The following RARA variants were observed in gnomAD, a reference collection of about 807,000 sequenced individuals.
RARA encodes retinoic acid receptor alpha.
RARA carries 5 observed loss-of-function variants against 42.8 expected under a neutral mutation model. The ratio of observed to expected loss-of-function variants is 0.12; its 90% CI spans 0.06 to 0.25. The LOEUF (loss-of-function observed/expected upper bound fraction) is 0.25, where lower values mean the gene tolerates loss of function less well. Ranked by LOEUF, RARA falls within the 10% of genes least tolerant of loss-of-function variation. The pLI, the probability that RARA is intolerant of heterozygous loss-of-function variation, is 1.00. For synonymous variants in RARA, 256 were observed against 259.5 expected (o/e 0.99, Z 0.13); for missense variants, 402 against 628.7 (o/e 0.64, Z 3.86).
chr17:40,349,396 G>A (rs1054006290), intron 3 of RARA: 2 of 203,360 alleles, frequency 9.8e-6, no homozygotes, highest in South Asian at 8.8e-5. Context: ...TGGCCTCTTC[G>A]GGCTTGTCTT....
At chr17:40,319,533 C>T (rs1195606135) in intron 1 of RARA, among the ~76,000 whole-genome samples, 1 of 151,168 alleles carries the variant, frequency 6.6e-6, no homozygotes, top group East Asian at 1.9e-4. Context: ...CCCGACCCCC[C>T]CACCCCCTGC....
intron 2 of RARA, among the ~76,000 whole-genome samples, chr17:40,337,371 T>C (rs1174004444): frequency 6.6e-6 from 1 of 151,446 alleles, no homozygotes. Context: ...CGGTAGGGGG[T>C]GTAGGGAAGG....
chr17:40,327,446 C>T (rs1296083042), intron 1 of RARA, among the ~76,000 whole-genome samples: 1 of 152,222 alleles, frequency 6.6e-6, no homozygotes, highest in African/African-American at 2.4e-5. Flanking sequence ...GCTGGGCCCA[C>T]AGGGAGGACC....
At chr17:40,317,594 G>T (rs1421922663) in intron 1 of RARA, among the ~76,000 whole-genome samples, 1 of 152,116 alleles carries the variant, frequency 6.6e-6, no homozygotes, top group African/African-American at 2.4e-5. Context: ...ACTTTAAGGG[G>T]GCTGGGAGGG....
intron 2 of RARA, among the ~76,000 whole-genome samples, chr17:40,331,647 C>T (rs918731625): frequency 6.6e-6 from 1 of 152,156 alleles, no homozygotes; most frequent in African/African-American, 2.4e-5. Flanking sequence ...TTCTGGCCTG[C>T]AGTGGCCCTC....
At position 40,351,842 on chromosome 17, in the gene RARA, C is replaced by A; in HGVS notation, c.470-68C>A. ...TCCTCAGCAGCTGGCAGCTCTCTGT[C>A]AGGCTGGGGGTGGACGAGGCCCTGA... On this transcript the variant is annotated intron_variant, in intron 4 of 8. Coordinates refer to ENST00000254066, the MANE Select transcript of RARA (RefSeq NM_000964.4). The surrounding 1 kb of genome is among the most constrained non-coding windows in gnomAD (Gnocchi z 4.1). The A allele has an allele frequency of 6.4e-7, 1 of 1,558,774 alleles. No homozygotes were observed. The highest frequency in any genetic ancestry group is 1.2e-5 in the South Asian group (1 of 83,092).
intron 2 of RARA, among the ~76,000 whole-genome samples, chr17:40,346,385 C>A (rs2034266031): frequency 6.6e-6 from 1 of 152,028 alleles, no homozygotes; most frequent in Non-Finnish European, 1.5e-5. Flanking sequence ...AGAGGCGGGG[C>A]CCAGGGCAAA....
intron 2 of RARA, chr17:40,341,665 G>T: frequency 3.0e-6 from 4 of 1,344,204 alleles, no homozygotes; most frequent in Admixed American, 4.1e-5. Flanking sequence ...TTCAGCGAGA[G>T]TTCAGCCGCA....
chr17:40,355,539 T>C lies in RARA; in HGVS notation c.1171+118T>C, dbSNP rs1044580571. ...AATACGACACCTGTCCCCATCTGTG[T>C]CTAGGCTGAGGTCCCCTAGTGACTC... On this transcript the variant is annotated intron_variant, in intron 8 of 8. Transcript: ENST00000254066. This position sits in a 1 kb window ranked among gnomAD's most constrained non-coding sequence, Gnocchi z 4.1. 27 of 1,373,004 alleles carry C rather than the reference T, an allele frequency of 2.0e-5. No individual in the cohort carries two copies. In the Admixed American group the frequency reaches 3.8e-4, roughly 19 times the overall value. 85.1% of individuals were successfully genotyped at this position (1,373,004 alleles called of 1,614,324 possible).
chr17:40,323,515 GC>G (rs962501145), intron 1 of RARA, among the ~76,000 whole-genome samples: 1 of 151,726 alleles, frequency 6.6e-6, no homozygotes, highest in African/African-American at 2.4e-5. Flanking sequence ...GGAGGTGGGG[GC>G]TCTGCAGACT....
Position 40,355,871 on chromosome 17 carries a change from C to A in RARA, c.1172-138C>A. On this transcript the variant is annotated intron_variant, in intron 8 of 8. Transcript: ENST00000254066. The surrounding 1 kb of genome is among the most constrained non-coding windows in gnomAD (Gnocchi z 4.1). ...GGACCTGGGGGCTTAAGAGAGCTGG[C>A]TCGTGTCAAAGAACTGAATCCCAAG... is the stretch of plus-strand genomic sequence containing the variant. 1 of 828,456 alleles carries A rather than the reference C, an allele frequency of 1.2e-6. No individual in the cohort carries two copies. The highest frequency in any genetic ancestry group is 1.9e-6 in the Non-Finnish European group (1 of 533,430). 51.3% of individuals were successfully genotyped at this position (828,456 alleles called of 1,614,324 possible).
chr17:40,351,098 C>G lies in RARA; in HGVS notation c.470-812C>G, dbSNP rs565863412. Among the ~76,000 whole-genome samples, 1 of 152,204 alleles carries G rather than the reference C, an allele frequency of 6.6e-6. No individual in the cohort carries two copies. The highest frequency in any genetic ancestry group is 2.1e-4 in the South Asian group (1 of 4,814). On this transcript the variant is annotated intron_variant, in intron 4 of 8. Transcript: ENST00000254066. The surrounding 1 kb of genome is among the most constrained non-coding windows in gnomAD (Gnocchi z 4.1). Reference sequence around the variant, plus strand: ...AATGATAAACGTCTTGTCACAGCTGCAATTTTCTCTTCCCAAATTATCCCC... The same window carrying G: ...AATGATAAACGTCTTGTCACAGCTGGAATTTTCTCTTCCCAAATTATCCCC...
rs906059150 is a variant in RARA at position 40,320,843 on chromosome 17, G to A, written c.-362-10014G>A. 2.6e-5 allele frequency among the ~76,000 whole-genome samples: 4 copies of A among 152,174 alleles called. No homozygotes were observed. Among genetic ancestry groups the A allele is most frequent in the African/African-American group, 7.2e-5 (3 of 41,430 alleles). ...AATCCTGTCCCTGCGACAAATAAGC[G>A]GGGTAATCTCCGCTTGCTCAGTACC... On this transcript the variant is annotated intron_variant, in intron 1 of 8. Coordinates refer to ENST00000254066, the MANE Select transcript of RARA (RefSeq NM_000964.4). The surrounding 1 kb of genome is among the most constrained non-coding windows in gnomAD (Gnocchi z 4.1).
chr17:40,331,538 A>G, intron 2 of RARA, 142 bp downstream of exon 2: 1 of 1,070,834 alleles, frequency 9.3e-7, no homozygotes, highest in Non-Finnish European at 1.3e-6. Context: ...GGTGACCATC[A>G]TTTGAGGTCT....
intron 2 of RARA, among the ~76,000 whole-genome samples, chr17:40,346,971 C>T (rs967838506): frequency 3.3e-5 from 5 of 152,234 alleles, no homozygotes; most frequent in Admixed American, 6.5e-5. Context: ...TGTCATCAGC[C>T]GCCTAGCAGC....
rs919663076 is a variant in RARA, at chr17:40,351,344, T to C, written c.470-566T>C. 5.1e-5 allele frequency: 16 copies of C among 312,858 alleles called. No individual in the cohort carries two copies. Among genetic ancestry groups the C allele is most frequent in the Middle Eastern group, 4.1e-4 (1 of 2,458 alleles). 19.4% of individuals were successfully genotyped at this position (312,858 alleles called of 1,614,324 possible). On this transcript the variant is annotated intron_variant, in intron 4 of 8. Coordinates refer to ENST00000254066, the MANE Select transcript of RARA (RefSeq NM_000964.4). This position sits in a 1 kb window ranked among gnomAD's most constrained non-coding sequence, Gnocchi z 4.1. Reference sequence around the variant, plus strand: ...GCTGGTAACGACCCCATCGCTTCTTTAAAGCCGAGTGGTGTGTGCGGCTCA... The same window carrying C: ...GCTGGTAACGACCCCATCGCTTCTTCAAAGCCGAGTGGTGTGTGCGGCTCA...
chr17:40,331,161 A>G lies in RARA; in HGVS notation c.-58A>G. ...CATGCCCCGAGGAGGGGTGGTCTGA[A>G]GCCCACCAGAGCCCCCTGCCAGACT... On this transcript the variant is annotated 5_prime_UTR_variant, in exon 2 of 9. Coordinates refer to ENST00000254066, the MANE Select transcript of RARA (RefSeq NM_000964.4). 1 of 1,516,396 alleles carries G rather than the reference A, an allele frequency of 6.6e-7. No homozygotes were observed. The allele number at this position is 1,516,396 out of a possible 1,614,324, so 93.9% of individuals were successfully genotyped here.
chr17:40,334,747 C>T (rs2033795837), intron 2 of RARA, among the ~76,000 whole-genome samples: 1 of 152,176 alleles, frequency 6.6e-6, no homozygotes, highest in South Asian at 2.1e-4. Flanking sequence ...TACTCCCATT[C>T]CCCATCCAAC....
intron 1 of RARA, among the ~76,000 whole-genome samples, chr17:40,317,901 G>T (rs377123435): frequency 6.6e-6 from 1 of 152,154 alleles, no homozygotes; most frequent in East Asian, 1.9e-4. Flanking sequence ...AGATTTAGGT[G>T]TGGGTGTGTG....
Sources: allele counts gnomAD v4.1 joint callset (sites outside exome capture counted in the v4.1 genomes callset), GRCh38; gene constraint gnomAD v4.1.1; non-coding constraint Gnocchi (gnomAD v3.1); transcripts MANE v1.5; gene names NCBI Gene and HGNC (gene_info 2026-07-23, HGNC 2026-07-21).